The following ACKR2 variants were observed in gnomAD, a reference collection of about 807,000 sequenced individuals.
ACKR2 encodes atypical chemokine receptor 2.
For missense variants in ACKR2, 457 were observed against 477.3 expected, an observed-to-expected ratio of 0.96 and a Z score of 0.40; for synonymous variants, 207 against 192.2, an observed-to-expected ratio of 1.08 and a Z score of -0.64.
intron 2 of ACKR2, among the ~76,000 whole-genome samples, chr3:42,854,859 T>C (rs1409395097): frequency 1.3e-4 from 19 of 150,604 alleles, no homozygotes; most frequent in Admixed American, 9.9e-4. Context: ...ACCTTTCTTT[T>C]TTTTTTTTTT....
chr3:42,845,368 T>C (rs1437090732), intron 2 of ACKR2, among the ~76,000 whole-genome samples: 3 of 150,948 alleles, frequency 2.0e-5, no homozygotes, highest in Non-Finnish European at 4.5e-5. Context: ...TAACACTTGA[T>C]TGATTGATTG....
intron 2 of ACKR2, among the ~76,000 whole-genome samples, chr3:42,822,725 GC>G (rs1559684628): frequency 6.9e-6 from 1 of 144,180 alleles, no homozygotes; most frequent in Non-Finnish European, 1.5e-5. Context: ...GGTGGTGCAC[GC>G]CTGTAATCCC....
chr3:42,812,373 A>G (rs1310581381), intron 1 of ACKR2, among the ~76,000 whole-genome samples: 2 of 152,236 alleles, frequency 1.3e-5, no homozygotes, highest in Non-Finnish European at 2.9e-5. Flanking sequence ...TGTTTAGGAA[A>G]GGTTTAAAGC....
Position 42,864,744 on chromosome 3 carries a change from T to C in ACKR2, c.242T>C (p.Val81Ala). ...LLRYVPRRRM[V>A]EIYLLNLAIS... is the part of the protein sequence containing the mutation. ...CGTTACGTGCCTCGCAGGCGGATGGTTGAGATCTATCTGCTGAATCTGGCC... is the reference window on the plus strand; with the variant it reads ...CGTTACGTGCCTCGCAGGCGGATGGCTGAGATCTATCTGCTGAATCTGGCC... The change falls in exon 3 of 3, where the codon GTT (valine) becomes GCT (alanine). Residue 81 changes from valine to alanine, a missense_variant. Coordinates refer to ENST00000422265, the MANE Select transcript of ACKR2 (RefSeq NM_001296.5). The C allele has an allele frequency of 1.2e-6, 2 of 1,614,194 alleles. No homozygotes were observed. Among genetic ancestry groups the C allele is most frequent in the Non-Finnish European group, 1.7e-6 (2 of 1,180,032 alleles).
intron 2 of ACKR2, among the ~76,000 whole-genome samples, chr3:42,842,816 C>T (rs1038922807): frequency 6.6e-6 from 1 of 151,856 alleles, no homozygotes; most frequent in Non-Finnish European, 1.5e-5. Flanking sequence ...GACTCCATCT[C>T]TACTAAAAAT....
At chr3:42,818,694 T>A (rs1700778169) in intron 1 of ACKR2, among the ~76,000 whole-genome samples, 1 of 152,178 alleles carries the variant, frequency 6.6e-6, no homozygotes, top group African/African-American at 2.4e-5. Flanking sequence ...CCAGAGTAGC[T>A]GTGATTACAG....
chr3:42,843,606 T>G (rs1437387280), intron 2 of ACKR2, among the ~76,000 whole-genome samples: 1 of 152,170 alleles, frequency 6.6e-6, no homozygotes, highest in Non-Finnish European at 1.5e-5. Context: ...AGCAGGGTGG[T>G]CTCCATACTC....
intron 2 of ACKR2, among the ~76,000 whole-genome samples, chr3:42,848,504 C>T (rs1476355977): frequency 1.3e-5 from 2 of 152,100 alleles, no homozygotes; most frequent in East Asian, 3.9e-4. Context: ...AGGCAAGAGA[C>T]ACTGTGCCAG....
intron 1 of ACKR2, among the ~76,000 whole-genome samples, chr3:42,811,034 G>C (rs1700689327): frequency 6.6e-6 from 1 of 152,202 alleles, no homozygotes. Flanking sequence ...ATATTTAGTA[G>C]AGATGGGGTT....
intron 2 of ACKR2, among the ~76,000 whole-genome samples, chr3:42,821,458 G>A (rs774085691): frequency 6.0e-4 from 92 of 152,098 alleles, no homozygotes; most frequent in Non-Finnish European, 9.8e-4. Flanking sequence ...CTTGACATAC[G>A]AAAGTGTCTC....
chr3:42,817,866 T>C (rs1356814636), intron 1 of ACKR2, among the ~76,000 whole-genome samples: 1 of 152,204 alleles, frequency 6.6e-6, no homozygotes, highest in Admixed American at 6.5e-5. Context: ...GAATCTTCCA[T>C]TGACACTCTT....
chr3:42,849,788 A>C (rs1162017576), intron 2 of ACKR2, among the ~76,000 whole-genome samples: 1 of 152,222 alleles, frequency 6.6e-6, no homozygotes, highest in Non-Finnish European at 1.5e-5. Flanking sequence ...TAGCCTGTTT[A>C]TACATTCAGT....
chr3:42,829,651 C>T (rs1700909598), intron 2 of ACKR2, among the ~76,000 whole-genome samples: 1 of 152,156 alleles, frequency 6.6e-6, no homozygotes, highest in African/African-American at 2.4e-5. Flanking sequence ...ACCCTGTGGC[C>T]TAAAGAGGAT....
chr3:42,833,171 T>G (rs1700948230), intron 2 of ACKR2, among the ~76,000 whole-genome samples: 1 of 152,138 alleles, frequency 6.6e-6, no homozygotes, highest in Admixed American at 6.6e-5. Flanking sequence ...GGTTAATTTA[T>G]AAATTTTTTT....
At chr3:42,828,670 C>T (rs1385968713) in intron 2 of ACKR2, among the ~76,000 whole-genome samples, 2 of 152,078 alleles carry the variant, frequency 1.3e-5, no homozygotes, top group Non-Finnish European at 2.9e-5. Context: ...TCTCACATGC[C>T]AGTTAGACAC....
chr3:42,860,032 CACTG>C (rs1248633424), intron 2 of ACKR2, among the ~76,000 whole-genome samples: 3 of 151,876 alleles, frequency 2.0e-5, no homozygotes, highest in African/African-American at 4.8e-5. Context: ...AATTAAAAGA[CACTG>C]ACTGGCAAAT....
chr3:42,839,300 A>G lies in ACKR2; in HGVS notation c.-38+19589A>G, dbSNP rs566783310. The G allele has an allele frequency of 3.3e-5, 5 of 152,112 alleles. No homozygotes were observed. The East Asian group carries it at 7.8e-4, about 24-fold the overall frequency. 9.4% of individuals were successfully genotyped at this position (152,112 alleles called of 1,614,324 possible). ...ATTACGTGAGTAGTAACTCTTTTCAAATCCTCCTGATGAGTGTGTGGCATC... is the reference window on the plus strand; with the variant it reads ...ATTACGTGAGTAGTAACTCTTTTCAGATCCTCCTGATGAGTGTGTGGCATC... On this transcript the variant is annotated intron_variant, in intron 2 of 2. Transcript: ENST00000422265.
In ACKR2 at chr3:42,865,144, G is replaced by A. The variant is rs1277784621; in HGVS notation, c.642G>A (p.Gln214=). 1.2e-6 allele frequency: 2 copies of A among 1,613,918 alleles called. No homozygotes were observed. The highest frequency in any genetic ancestry group is 3.3e-5 in the Admixed American group (2 of 60,010). Residue 214 remains glutamine, a synonymous_variant, in exon 3 of 3, where the codon CAG becomes CAA. Coordinates refer to ENST00000422265, the MANE Select transcript of ACKR2 (RefSeq NM_001296.5). ...TIWKLFLRFQ[Q]NLLGFLLPLL... ...GGAAGCTCTTCCTCCGCTTCCAGCA[G>A]AACCTCCTAGGGTTTCTCCTTCCAC...
At chr3:42,813,499 T>G (rs1007750667) in intron 1 of ACKR2, among the ~76,000 whole-genome samples, 1 of 152,132 alleles carries the variant, frequency 6.6e-6, no homozygotes. Context: ...CTGTCTTATA[T>G]GGTGGGATCA....
Sources: gnomAD v4.1 joint callset for allele counts (sites outside exome capture counted in the v4.1 genomes callset) on GRCh38, gnomAD v4.1.1 for gene constraint, MANE v1.5 for transcripts, NCBI Gene and HGNC (gene_info 2026-07-23, HGNC 2026-07-21) for gene names.